The following PCDHA4 variants were observed in gnomAD, a reference collection of about 807,000 sequenced individuals.
PCDHA4 encodes the protein protocadherin alpha-4.
A neutral mutation model predicts 61.4 loss-of-function variants in PCDHA4; 49 were observed. The observed-to-expected ratio is 0.80, with a 90% CI of 0.63 to 1.01. The LOEUF (loss-of-function observed/expected upper bound fraction) is 1.01. PCDHA4 is among the 50% of genes least tolerant of loss of function. The pLI is 0.00. For missense variants in PCDHA4, 1,254 were observed against 1,235.8 expected (o/e 1.01, Z -0.22); for synonymous variants, 590 against 550.3 (o/e 1.07, Z -1.01).
rs1475078197 is a variant in PCDHA4, at chr5:140,845,480, C to A, written c.2385+35908C>A. On this transcript the variant is annotated intron_variant, in intron 1 of 3. Coordinates refer to ENST00000530339, the MANE Select transcript of PCDHA4 (RefSeq NM_018907.4). ...TCTGATATTTGAATTTGGGGTTGTG[C>A]TTTCACAGTGAGAAAGTCTAAACCT... is the stretch of plus-strand genomic sequence containing the variant. 1.3e-5 allele frequency among the ~76,000 whole-genome samples: 2 copies of A among 149,578 alleles called. 1 individual carries two copies. Among genetic ancestry groups the A allele is most frequent in the South Asian group, 4.2e-4 (2 of 4,742 alleles).
chr5:140,820,462 C>T (rs1766763072), intron 1 of PCDHA4, among the ~76,000 whole-genome samples: 1 of 151,950 alleles, frequency 6.6e-6, no homozygotes, highest in Non-Finnish European at 1.5e-5. Flanking sequence ...CTTGTCTTCA[C>T]AGGTAAGGGA....
intron 1 of PCDHA4, among the ~76,000 whole-genome samples, chr5:140,912,895 A>G (rs781884731): frequency 4.6e-5 from 7 of 152,212 alleles, no homozygotes; most frequent in Non-Finnish European, 1.0e-4. Context: ...TGTTGATATG[A>G]TGTATCATAT....
intron 1 of PCDHA4, among the ~76,000 whole-genome samples, chr5:140,891,067 C>G (rs2062935872): frequency 6.6e-6 from 1 of 152,096 alleles, no homozygotes; most frequent in Admixed American, 6.6e-5. Flanking sequence ...AAATATTATT[C>G]CAGTGTCTAC....
At chr5:140,887,459 G>T (rs532781133) in intron 1 of PCDHA4, among the ~76,000 whole-genome samples, 4 of 152,126 alleles carry the variant, frequency 2.6e-5, no homozygotes, top group Non-Finnish European at 5.9e-5. Flanking sequence ...TTTTTTAAAA[G>T]ATATAATTCA....
intron 1 of PCDHA4, among the ~76,000 whole-genome samples, chr5:140,953,629 T>A (rs547651453): frequency 6.6e-6 from 1 of 152,298 alleles, no homozygotes; most frequent in East Asian, 1.9e-4. Context: ...TTGCTTTATG[T>A]ATTTTGGCCA....
chr5:140,847,032 A>C (rs1780821706), intron 1 of PCDHA4, among the ~76,000 whole-genome samples: 1 of 149,836 alleles, frequency 6.7e-6, no homozygotes. Context: ...GAAAGAGAAA[A>C]CATAAGGAAA....
intron 1 of PCDHA4, among the ~76,000 whole-genome samples, chr5:140,931,986 C>G (rs562622204): frequency 2.0e-4 from 30 of 151,912 alleles, no homozygotes; most frequent in African/African-American, 7.0e-4. Flanking sequence ...ATATTTTGCT[C>G]AAATTCTAAG....
At chr5:140,923,423 G>T (rs533295733) in intron 1 of PCDHA4, among the ~76,000 whole-genome samples, 1 of 152,260 alleles carries the variant, frequency 6.6e-6, no homozygotes, top group East Asian at 1.9e-4. Context: ...GGCTACTTGG[G>T]AGGCTGGGGT....
intron 2 of PCDHA4, among the ~76,000 whole-genome samples, chr5:140,982,139 A>G (rs1381844546): frequency 1.3e-5 from 2 of 152,260 alleles, no homozygotes; most frequent in Non-Finnish European, 2.9e-5. Flanking sequence ...AGCCCTCCTC[A>G]TCTGCTTCAG....
intron 1 of PCDHA4, chr5:140,835,997 C>A: frequency 6.2e-7 from 1 of 1,613,306 alleles, no homozygotes; most frequent in Non-Finnish European, 8.5e-7. Context: ...TGAGCGCGCG[C>A]GATGCGGGCG....
At chr5:140,921,080 A>G (rs1329038497) in intron 1 of PCDHA4, among the ~76,000 whole-genome samples, 1 of 152,008 alleles carries the variant, frequency 6.6e-6, no homozygotes. Context: ...CTTGGGCTCA[A>G]GAGAATCCTC....
At chr5:140,846,197 G>T (rs2150385759) in intron 1 of PCDHA4, among the ~76,000 whole-genome samples, 2 of 149,386 alleles carry the variant, frequency 1.3e-5, no homozygotes, top group African/African-American at 2.5e-5. Context: ...TTCTTTGTAT[G>T]TATGAGATCT....
chr5:140,829,493 A>G, intron 1 of PCDHA4: 1 of 1,613,654 alleles, frequency 6.2e-7, no homozygotes, highest in Non-Finnish European at 8.5e-7. Flanking sequence ...GAAGGAGAAC[A>G]ACCCGCCGGG....
rs200912451 is a variant in PCDHA4 at position 140,850,965 on chromosome 5, G to A, written c.2385+41393G>A. The A allele has an allele frequency of 1.1e-4, 159 of 1,464,076 alleles. 6 individuals are homozygous for A. The highest frequency in any genetic ancestry group is 1.3e-4 in the Non-Finnish European group (139 of 1,096,434). 90.7% of individuals were successfully genotyped at this position (1,464,076 alleles called of 1,614,324 possible). On this transcript the variant is annotated intron_variant, in intron 1 of 3. Transcript: ENST00000530339. The stretch of plus-strand genomic sequence containing the variant: ...ATATTATCGATTACTCCCAGGGGCC[G>A]TTCAAATAGTTTTATTCATTTTTCT...
intron 1 of PCDHA4, among the ~76,000 whole-genome samples, chr5:140,925,941 GAGA>G (rs1554203013): frequency 7.2e-6 from 1 of 138,610 alleles, no homozygotes; most frequent in East Asian, 1.9e-4. Flanking sequence ...GAGCCTCTTG[GAGA>G]AGGAGAAACT....
chr5:140,831,119 G>T (rs1198671587), intron 1 of PCDHA4: 1 of 152,072 alleles, frequency 6.6e-6, no homozygotes, highest in Non-Finnish European at 1.5e-5. Context: ...GAATACTTCT[G>T]GTTGTTATGG....
At chr5:140,943,024 A>C (rs2093406550) in intron 1 of PCDHA4, among the ~76,000 whole-genome samples, 1 of 152,102 alleles carries the variant, frequency 6.6e-6, no homozygotes, top group Admixed American at 6.6e-5. Context: ...TGGGAGGCTG[A>C]GGTGGGTGGA....
chr5:140,962,080 T>A (rs1226617177), intron 1 of PCDHA4, among the ~76,000 whole-genome samples: 1 of 151,756 alleles, frequency 6.6e-6, no homozygotes, highest in Non-Finnish European at 1.5e-5. Context: ...AGAGACGGGG[T>A]TTCACCATGT....
In PCDHA4 at chr5:140,946,631, T is replaced by TATAC. The variant is rs57893927; in HGVS notation, c.2386-32317_2386-32316insTACA. ...TGTGAAATATATATATATATATATA[T>TATAC]ACAATGGAATACTCATCAGCCATTA... On this transcript the variant is annotated intron_variant, in intron 1 of 3. Transcript: ENST00000530339. 2.4e-4 allele frequency among the ~76,000 whole-genome samples: 32 copies of TATAC among 131,838 alleles called. 1 individual carries two copies. The highest frequency in any genetic ancestry group is 4.2e-4 in the African/African-American group (12 of 28,706). 86.5% of individuals were successfully genotyped at this position (131,838 alleles called of 152,430 possible).
Sources: gnomAD v4.1 joint callset for allele counts (sites outside exome capture counted in the v4.1 genomes callset) on GRCh38, gnomAD v4.1.1 for gene constraint, MANE v1.5 for transcripts, NCBI Gene and HGNC (gene_info 2026-07-23, HGNC 2026-07-21) for gene names.